The following CSMD1 variants were observed in gnomAD, a reference collection of about 807,000 sequenced individuals.
The protein encoded by CSMD1 is CUB and sushi domain-containing protein 1.
Under a neutral mutation model 417.5 loss-of-function variants are expected in CSMD1, and 213 were observed. The observed-to-expected ratio is 0.51, with a 90% CI of 0.46 to 0.57. The LOEUF (loss-of-function observed/expected upper bound fraction) is 0.57, where lower values mean the gene tolerates loss of function less well. CSMD1 is among the 20% of genes least tolerant of loss of function. The probability of loss-of-function intolerance (pLI) is 0.00; values close to 1 mark genes in which losing one functional copy is unlikely to be tolerated. For synonymous variants in CSMD1, 2,862 were observed against 1,736.8 expected (o/e 1.65, Z -16.11); for missense variants, 6,923 against 4,529.7 (o/e 1.53, Z -15.17).
rs185289486 is a variant in CSMD1 at position 4,743,054 on chromosome 8, T to C, written c.86-105496A>G. Among the ~76,000 whole-genome samples the C allele has an allele frequency of 8.5e-5, 13 of 152,322 alleles. No individual in the cohort carries two copies. In the East Asian group the frequency reaches 2.5e-3, roughly 29 times the overall value. ...TTTCTAAGTGTTTTTGTTTGTATTT[T>C]ATTACATTAATTATTACATTAAAAT... On this transcript the variant is annotated intron_variant, in intron 1 of 69. Coordinates refer to ENST00000635120, the MANE Select transcript of CSMD1 (RefSeq NM_033225.6).
intron 5 of CSMD1, among the ~76,000 whole-genome samples, chr8:3,765,797 G>T (rs962578998): frequency 1.3e-5 from 2 of 152,158 alleles, no homozygotes; most frequent in African/African-American, 4.8e-5. Context: ...GAGTCCTACG[G>T]GTGGAGACAG....
chr8:4,549,895 TCAAAAAA>T (rs1424264908), intron 2 of CSMD1, among the ~76,000 whole-genome samples: 2 of 65,840 alleles, frequency 3.0e-5, no homozygotes, highest in Non-Finnish European at 5.3e-5. Context: ...AGACTTTGTC[TCAAAAAA>T]AAAAAAAAAA....
intron 1 of CSMD1, among the ~76,000 whole-genome samples, chr8:4,801,187 T>C (rs1798264299): frequency 6.6e-6 from 1 of 152,256 alleles, no homozygotes; most frequent in South Asian, 2.1e-4. Flanking sequence ...TGTGCCCTTT[T>C]CCTACTTCTG....
intron 3 of CSMD1, among the ~76,000 whole-genome samples, chr8:4,296,034 G>A (rs919155848): frequency 6.6e-6 from 1 of 151,848 alleles, no homozygotes; most frequent in Non-Finnish European, 1.5e-5. Flanking sequence ...AAATGAAACT[G>A]TCTAATTGCA....
chr8:4,364,480 C>T (rs1443892693), intron 3 of CSMD1, among the ~76,000 whole-genome samples: 3 of 151,998 alleles, frequency 2.0e-5, no homozygotes, highest in Admixed American at 6.6e-5. Context: ...ATACAATTTC[C>T]TCTCTTGCTT....
intron 1 of CSMD1, among the ~76,000 whole-genome samples, chr8:4,688,502 T>G (rs113972008): frequency 5.3e-5 from 8 of 152,026 alleles, no homozygotes; most frequent in Admixed American, 5.2e-4. Flanking sequence ...GCAAAATGCA[T>G]TGAACTTCAT....
chr8:4,103,317 T>A (rs1305048870), intron 3 of CSMD1, among the ~76,000 whole-genome samples: 1 of 151,382 alleles, frequency 6.6e-6, no homozygotes, highest in Non-Finnish European at 1.5e-5. Context: ...CACACAGTGA[T>A]CATCAATATT....
At position 2,968,499 on chromosome 8, in the gene CSMD1, G is replaced by A. The variant is rs113170111; in HGVS notation, c.8924-1753C>T. ...TAGTTTGCTAATATTGTTAATGAAT[G>A]AGTACCAGCATAATGCTATCCTAAT... On this transcript the variant is annotated intron_variant, in intron 57 of 69. Coordinates refer to ENST00000635120, the MANE Select transcript of CSMD1 (RefSeq NM_033225.6). Among the ~76,000 whole-genome samples the A allele has an allele frequency of 2.1e-3, 327 of 152,334 alleles. 1 individual carries two copies. The highest frequency in any genetic ancestry group is 7.6e-3 in the African/African-American group (314 of 41,572).
At chr8:3,940,389 A>G (rs911869656) in intron 5 of CSMD1, among the ~76,000 whole-genome samples, 29 of 152,234 alleles carry the variant, frequency 1.9e-4, no homozygotes, top group African/African-American at 6.5e-4. Flanking sequence ...TGAAAATTAT[A>G]TTGAAAATAA....
chr8:3,927,033 T>C (rs1194635583), intron 5 of CSMD1, among the ~76,000 whole-genome samples: 1 of 151,952 alleles, frequency 6.6e-6, no homozygotes, highest in Non-Finnish European at 1.5e-5. Flanking sequence ...TCTTTAAAAG[T>C]ACTTTTTGTG....
At chr8:3,850,260 A>G (rs1803806256) in intron 5 of CSMD1, among the ~76,000 whole-genome samples, 1 of 152,240 alleles carries the variant, frequency 6.6e-6, no homozygotes, top group African/African-American at 2.4e-5. Context: ...GTAAGTCCAA[A>G]GATAGAATCA....
In CSMD1 at chr8:3,214,536, C is replaced by T. The variant is rs546177647; in HGVS notation, c.4828G>A (p.Gly1610Arg). ...AGCACTTGGTCCCAGGAGGGTTTCC[C>T]ATCAGCCCCAATCACACAGGTGATG... ...SSITCVIGADGKPSWDQVLPS... is the reference protein window; with the variant it reads ...SSITCVIGADRKPSWDQVLPS... Residue 1610 changes from glycine to arginine, a missense_variant, in exon 30 of 70, where the codon GGG becomes AGG. By Grantham distance (125) the Gly-to-Arg change is moderately radical. Coordinates refer to ENST00000635120, the MANE Select transcript of CSMD1 (RefSeq NM_033225.6). The T allele has an allele frequency of 1.2e-6, 2 of 1,600,382 alleles. No individual in the cohort carries two copies. Among genetic ancestry groups the T allele is most frequent in the South Asian group, 1.1e-5 (1 of 87,946 alleles).
chr8:4,949,623 C>A (rs1323553474), intron 1 of CSMD1, among the ~76,000 whole-genome samples: 2 of 152,140 alleles, frequency 1.3e-5, no homozygotes, highest in Admixed American at 6.6e-5. Flanking sequence ...TTCCACATCC[C>A]CAACCAAGAA....
rs758877056 is a variant in CSMD1, at chr8:3,199,742, A to G, written c.5166T>C (p.Ser1722=). 17 of 1,589,502 alleles carry G rather than the reference A, an allele frequency of 1.1e-5. No individual in the cohort carries two copies. The highest frequency in any genetic ancestry group is 1.4e-5 in the Non-Finnish European group (16 of 1,167,582). The stretch of plus-strand genomic sequence containing the variant: ...GATACACGAAGTGGAAGCCGCGGGC[A>G]GAGGCACCGCTCTTTGCACTGAATC... ...LLRFSAKSGA[S]ARGFHFVYQA... is the part of the protein sequence containing the mutation. Residue 1722 remains serine, a synonymous_variant, in exon 33 of 70, where the codon TCT becomes TCC. Transcript: ENST00000635120.
chr8:3,649,783 T>C (rs2117373440), intron 7 of CSMD1, among the ~76,000 whole-genome samples: 1 of 152,334 alleles, frequency 6.6e-6, no homozygotes, highest in South Asian at 2.1e-4. Context: ...AAATCACTAA[T>C]ACTAAATTGT....
rs78605309 is a variant in CSMD1 at position 3,361,724 on chromosome 8, C to T, written c.3116-2384G>A. On this transcript the variant is annotated intron_variant, in intron 20 of 69. Coordinates refer to ENST00000635120, the MANE Select transcript of CSMD1 (RefSeq NM_033225.6). ...GAGAATATTTTGATATTATTATGTG[C>T]TATACCTATTATCTTATATAAAGAA... Among the ~76,000 whole-genome samples, 1,381 of 150,066 alleles carry T rather than the reference C, an allele frequency of 9.2e-3. 7 individuals carry two copies. The highest frequency in any genetic ancestry group is 0.015 in the Non-Finnish European group (1,027 of 67,708).
intron 23 of CSMD1, among the ~76,000 whole-genome samples, chr8:3,327,384 C>T (rs747831499): frequency 1.3e-5 from 2 of 152,102 alleles, no homozygotes; most frequent in Admixed American, 6.5e-5. Flanking sequence ...CTGCCCACCT[C>T]GGCCTCCCAA....
chr8:3,987,085 G>A (rs145458437), intron 5 of CSMD1, among the ~76,000 whole-genome samples: 4 of 152,268 alleles, frequency 2.6e-5, no homozygotes, highest in East Asian at 1.9e-4. Context: ...ATCATTTTGT[G>A]AAAACGATGG....
At chr8:3,904,366 ACTCTTTATTGCAATGGAAAC>A (rs1310749658) in intron 5 of CSMD1, among the ~76,000 whole-genome samples, 2 of 151,968 alleles carry the variant, frequency 1.3e-5, no homozygotes, top group East Asian at 1.9e-4. Context: ...ATTCACACTA[ACTCTTTATTGCAATGGAAAC>A]CTCTTTATTG....
Sources: gnomAD v4.1 joint callset for allele counts (sites outside exome capture counted in the v4.1 genomes callset) on GRCh38, gnomAD v4.1.1 for gene constraint, MANE v1.5 for transcripts, NCBI Gene and HGNC (gene_info 2026-07-23, HGNC 2026-07-21) for gene names.